TENM2: variants seen among roughly 807,000 people sequenced by gnomAD.
The protein encoded by TENM2 is teneurin transmembrane protein 2, also known as teneurin-2.
TENM2 carries 52 observed loss-of-function variants against 245.2 expected under a neutral mutation model. That is an observed-to-expected ratio of 0.21 (90% CI 0.17 to 0.27). The LOEUF (loss-of-function observed/expected upper bound fraction) is 0.27. Ranked by LOEUF, TENM2 falls within the 10% of genes least tolerant of loss-of-function variation. TENM2 has a pLI of 1.00. For missense variants in TENM2, 3,046 were observed against 3,666.8 expected, an observed-to-expected ratio of 0.83 and a Z score of 4.37; for synonymous variants, 1,363 against 1,438.9, an observed-to-expected ratio of 0.95 and a Z score of 1.19.
chr5:167,929,069 GAAAGAAAGAAA>G (rs1778029670), intron 3 of TENM2, among the ~76,000 whole-genome samples: 1 of 18,836 alleles, frequency 5.3e-5, no homozygotes, highest in Non-Finnish European at 9.6e-5. Flanking sequence ...GAGAAAGAAA[GAAAGAAAGAAA>G]GAAAGAAAGA....
chr5:167,573,640 T>C (rs961936920), intron 2 of TENM2, among the ~76,000 whole-genome samples: 11 of 152,038 alleles, frequency 7.2e-5, no homozygotes, highest in African/African-American at 2.7e-4. Context: ...TCATTGACTC[T>C]CCTCTCTTCT....
chr5:167,958,333 A>G (rs1056314031), intron 4 of TENM2, among the ~76,000 whole-genome samples: 1 of 152,122 alleles, frequency 6.6e-6, no homozygotes, highest in South Asian at 2.1e-4. Context: ...TTTGCTTGGT[A>G]GACATTCCTC....
chr5:168,215,069 C>T (rs1763068387), exon 21 of TENM2: 1 of 1,613,808 alleles, frequency 6.2e-7, no homozygotes, highest in South Asian at 1.1e-5. Flanking sequence ...TACTACTTGG[C>T]AGTGGACCCC....
At chr5:167,506,847 G>C (rs1769587541) in intron 2 of TENM2, among the ~76,000 whole-genome samples, 2 of 152,136 alleles carry the variant, frequency 1.3e-5, no homozygotes, top group African/African-American at 4.8e-5. Context: ...GGTATTTCTG[G>C]AAGTGGGTTT....
chr5:168,140,521 T>C (rs1373123024), intron 12 of TENM2, among the ~76,000 whole-genome samples: 6 of 152,022 alleles, frequency 3.9e-5, no homozygotes, highest in Admixed American at 6.6e-5. Flanking sequence ...CTGTTGTGTG[T>C]ATGAGTGTAT....
intron 1 of TENM2, among the ~76,000 whole-genome samples, chr5:167,339,833 G>A (rs1757992397): frequency 2.0e-5 from 3 of 152,116 alleles, no homozygotes; most frequent in Admixed American, 2.0e-4. Context: ...CATGATGTGA[G>A]GGCACAAGCA....
intron 1 of TENM2, among the ~76,000 whole-genome samples, chr5:167,361,034 T>C (rs535725144): frequency 6.6e-6 from 1 of 152,162 alleles, no homozygotes; most frequent in Non-Finnish European, 1.5e-5. Flanking sequence ...GAATGGAACT[T>C]GAAAAGACAT....
the TENM2 span, among the ~76,000 whole-genome samples, chr5:167,046,074 G>A: frequency 6.6e-6 from 1 of 152,060 alleles, no homozygotes; most frequent in Non-Finnish European, 1.5e-5. Flanking sequence ...TACTGATATA[G>A]CCACTTACTG....
intron 2 of TENM2, among the ~76,000 whole-genome samples, chr5:167,758,600 A>G (rs1762457904): frequency 6.6e-6 from 1 of 152,078 alleles, no homozygotes; most frequent in South Asian, 2.1e-4. Context: ...GATTCTTCTA[A>G]TCACTTCCAC....
intron 7 of TENM2, among the ~76,000 whole-genome samples, chr5:168,088,850 C>G (rs374277445): frequency 6.6e-6 from 1 of 152,092 alleles, no homozygotes; most frequent in African/African-American, 2.4e-5. Context: ...GCGATTCTGA[C>G]GACGGGAAAG....
chr5:167,014,388 T>G, the TENM2 span, among the ~76,000 whole-genome samples: 1 of 152,164 alleles, frequency 6.6e-6, no homozygotes, highest in Non-Finnish European at 1.5e-5. Flanking sequence ...TCTGTGGGTC[T>G]CAAGTCTCTT....
the TENM2 span, among the ~76,000 whole-genome samples, chr5:167,087,491 T>C: frequency 1.3e-5 from 2 of 152,174 alleles, no homozygotes; most frequent in Non-Finnish European, 2.9e-5. Context: ...TTTATCAGAT[T>C]TTTTTAACCT....
exon 24 of TENM2, chr5:168,226,149 C>T (rs1284786852): frequency 6.2e-7 from 1 of 1,613,646 alleles, no homozygotes; most frequent in Non-Finnish European, 8.5e-7. Flanking sequence ...AACCAGTCTG[C>T]ACCGGGAAAT....
chr5:168,190,355 T>G, exon 14 of TENM2: 1 of 1,613,746 alleles, frequency 6.2e-7, no homozygotes, highest in Non-Finnish European at 8.5e-7. Flanking sequence ...GTGGATTGTT[T>G]GGACCCTGAC....
chr5:168,212,563 G>A (rs1201614495), intron 20 of TENM2, among the ~76,000 whole-genome samples: 2 of 152,194 alleles, frequency 1.3e-5, no homozygotes, highest in Admixed American at 1.3e-4. Context: ...AACATGGACA[G>A]CTCTCCTTCA....
chr5:168,253,170 T>A (rs927410131), intron 27 of TENM2, among the ~76,000 whole-genome samples: 1 of 152,068 alleles, frequency 6.6e-6, no homozygotes, highest in Admixed American at 6.6e-5. Context: ...GGTTTCACTG[T>A]GTTAGCCAGG....
chr5:167,199,174 A>C, the TENM2 span, among the ~76,000 whole-genome samples: 5 of 151,932 alleles, frequency 3.3e-5, no homozygotes, highest in African/African-American at 1.2e-4. Flanking sequence ...AAAGAGGAAA[A>C]CTAAAACTAT....
intron 2 of TENM2, among the ~76,000 whole-genome samples, chr5:167,550,058 T>C (rs1772827567): frequency 6.6e-6 from 1 of 152,240 alleles, no homozygotes; most frequent in South Asian, 2.1e-4. Flanking sequence ...TAGACATCTG[T>C]TAAATTAACA....
chr5:167,738,668 A>G (rs1760968128), intron 2 of TENM2, among the ~76,000 whole-genome samples: 1 of 152,096 alleles, frequency 6.6e-6, no homozygotes, highest in Non-Finnish European at 1.5e-5. Context: ...TCAGTTCTGG[A>G]GGCTGGAAGT....
Sources: allele counts gnomAD v4.1 joint callset (sites outside exome capture counted in the v4.1 genomes callset), GRCh38; gene constraint gnomAD v4.1.1; transcripts MANE v1.5; gene names NCBI Gene and HGNC (gene_info 2026-07-23, HGNC 2026-07-21).